The following GRM7 variants were observed in gnomAD, a reference collection of about 807,000 sequenced individuals.
The protein encoded by GRM7 is metabotropic glutamate receptor 7.
Under a neutral mutation model 84.5 loss-of-function variants are expected in GRM7, and 35 were observed. That is an observed-to-expected ratio of 0.41 (90% CI 0.32 to 0.55). The LOEUF (loss-of-function observed/expected upper bound fraction) is 0.55. Among genes scored for constraint, GRM7 ranks in the 20% least tolerant of loss-of-function variants. The pLI, the probability that GRM7 is intolerant of heterozygous loss-of-function variation, is 0.19. For missense variants in GRM7, 1,003 were observed against 1,194.6 expected, an observed-to-expected ratio of 0.84 and a Z score of 2.36; for synonymous variants, 487 against 455.1, an observed-to-expected ratio of 1.07 and a Z score of -0.89.
At chr3:7,529,854 CTGTTGT>C (rs536908211) in intron 7 of GRM7, among the ~76,000 whole-genome samples, 12 of 150,720 alleles carry the variant, frequency 8.0e-5, no homozygotes, top group African/African-American at 2.4e-4. Context: ...AACAAATAAG[CTGTTGT>C]TGTTGTTGTT....
intron 1 of GRM7, among the ~76,000 whole-genome samples, chr3:7,047,067 A>G (rs553441591): frequency 2.0e-4 from 30 of 152,156 alleles, no homozygotes; most frequent in African/African-American, 6.7e-4. Context: ...CTATAGTCAT[A>G]GTTGCAATAG....
At chr3:7,025,236 G>A (rs1206249719) in intron 1 of GRM7, among the ~76,000 whole-genome samples, 1 of 152,140 alleles carries the variant, frequency 6.6e-6, no homozygotes, top group East Asian at 1.9e-4. Context: ...GAGCTAAGTA[G>A]CAATCTTAAC....
chr3:6,867,428 A>G (rs999439882), intron 1 of GRM7, among the ~76,000 whole-genome samples: 2 of 152,146 alleles, frequency 1.3e-5, no homozygotes, highest in Admixed American at 6.5e-5. Context: ...GAAGACAGAC[A>G]CTTCTGATGT....
chr3:7,541,290 T>TA (rs1692871736), intron 7 of GRM7, among the ~76,000 whole-genome samples: 1 of 152,170 alleles, frequency 6.6e-6, no homozygotes, highest in African/African-American at 2.4e-5. Context: ...AACTTTTTTT[T>TA]AAGTAAGAAG....
At chr3:7,014,919 C>A (rs1489714543) in intron 1 of GRM7, among the ~76,000 whole-genome samples, 1 of 152,092 alleles carries the variant, frequency 6.6e-6, no homozygotes, top group Non-Finnish European at 1.5e-5. Context: ...GATTGTAAAA[C>A]GCACTGATCA....
intron 1 of GRM7, among the ~76,000 whole-genome samples, chr3:7,075,494 A>C (rs1302288034): frequency 9.1e-6 from 1 of 110,434 alleles, no homozygotes; most frequent in African/African-American, 3.9e-5. Context: ...CTTGCTTCTC[A>C]GATGTGTGTG....
Position 6,862,736 on chromosome 3 carries a change from C to G in GRM7, c.519+829C>G, listed in dbSNP as rs1003699229. 3.1e-5 allele frequency: 9 copies of G among 287,286 alleles called. No individual in the cohort carries two copies. Among genetic ancestry groups the G allele is most frequent in the Non-Finnish European group, 4.9e-5 (7 of 144,234 alleles). The allele number at this position is 287,286 out of a possible 1,614,324, so 17.8% of individuals were successfully genotyped here. On this transcript the variant is annotated intron_variant, in intron 1 of 9. Transcript: ENST00000357716. This position sits in a 1 kb window ranked among gnomAD's most constrained non-coding sequence, Gnocchi z 5.2. The stretch of plus-strand genomic sequence containing the variant: ...CTCCTCCCTCCTCCCCCCCGCCCCC[C>G]TCACCCACTATCTCCCTGACGCAGA...
chr3:7,104,926 A>G (rs1699243008), intron 1 of GRM7, among the ~76,000 whole-genome samples: 1 of 151,838 alleles, frequency 6.6e-6, no homozygotes, highest in African/African-American at 2.4e-5. Flanking sequence ...TACAAAATAT[A>G]TAGATTAATA....
intron 1 of GRM7, among the ~76,000 whole-genome samples, chr3:6,894,957 C>T (rs147180501): frequency 1.9e-3 from 289 of 152,282 alleles, no homozygotes; most frequent in Non-Finnish European, 3.3e-3. Flanking sequence ...TTTGTTGGGA[C>T]ATTGCTTTGA....
rs1314230029 is a variant in GRM7, at chr3:6,928,685, A to G, written c.519+66778A>G. On this transcript the variant is annotated intron_variant, in intron 1 of 9. Coordinates refer to ENST00000357716, the MANE Select transcript of GRM7 (RefSeq NM_000844.4). This position sits in a 1 kb window ranked among gnomAD's most constrained non-coding sequence, Gnocchi z 4.5. ...CAATAGAAGCTTAGTTAAGCAGGTG[A>G]TAATCTTCTCTTGGCCTCCAATTTA... Among the ~76,000 whole-genome samples the G allele has an allele frequency of 6.6e-6, 1 of 152,208 alleles. No individual in the cohort carries two copies. Among genetic ancestry groups the G allele is most frequent in the Non-Finnish European group, 1.5e-5 (1 of 68,038 alleles).
At chr3:7,595,270 G>A (rs1329961183) in intron 8 of GRM7, among the ~76,000 whole-genome samples, 1 of 152,192 alleles carries the variant, frequency 6.6e-6, no homozygotes, top group African/African-American at 2.4e-5. Flanking sequence ...ACTGGAGGGA[G>A]CAGGGCTACT....
chr3:7,711,324 T>C (rs1012174991), intron 9 of GRM7, among the ~76,000 whole-genome samples: 4 of 152,044 alleles, frequency 2.6e-5, no homozygotes, highest in South Asian at 2.1e-4. Context: ...TTTCAGGCAG[T>C]GAAGATATGA....
intron 7 of GRM7, among the ~76,000 whole-genome samples, chr3:7,548,526 A>G (rs1333080922): frequency 6.6e-6 from 1 of 152,246 alleles, no homozygotes; most frequent in Non-Finnish European, 1.5e-5. Flanking sequence ...AATATTTGTG[A>G]GGGAAAATCC....
intron 9 of GRM7, among the ~76,000 whole-genome samples, chr3:7,690,828 T>TA (rs1268375383): frequency 6.6e-6 from 1 of 152,204 alleles, no homozygotes; most frequent in East Asian, 1.9e-4. Context: ...TGCATTTCCT[T>TA]AGAGACTGTC....
At chr3:7,266,023 G>A (rs1698623474) in intron 2 of GRM7, among the ~76,000 whole-genome samples, 1 of 152,164 alleles carries the variant, frequency 6.6e-6, no homozygotes, top group Non-Finnish European at 1.5e-5. Context: ...TTTCAGGGGA[G>A]ATGTATGAGC....
At chr3:7,069,593 T>C (rs1481230662) in intron 1 of GRM7, among the ~76,000 whole-genome samples, 1 of 152,086 alleles carries the variant, frequency 6.6e-6, no homozygotes, top group Non-Finnish European at 1.5e-5. Context: ...TAGTTTTTCT[T>C]CCAGTGGCCT....
chr3:7,480,188 G>A (rs1699075206), intron 7 of GRM7, among the ~76,000 whole-genome samples: 2 of 152,146 alleles, frequency 1.3e-5, no homozygotes, highest in Non-Finnish European at 2.9e-5. Context: ...ATCTACCTAG[G>A]TGGCAAAGAT....
At chr3:7,518,860 T>G (rs1700488171) in intron 7 of GRM7, among the ~76,000 whole-genome samples, 1 of 152,366 alleles carries the variant, frequency 6.6e-6, no homozygotes, top group South Asian at 2.1e-4. Flanking sequence ...ATGTTAAGAT[T>G]TAGCTGGCTG....
chr3:7,433,019 C>T (rs1321080640), intron 5 of GRM7, among the ~76,000 whole-genome samples: 1 of 151,982 alleles, frequency 6.6e-6, no homozygotes, highest in Admixed American at 6.6e-5. Context: ...TCAAGGAAAG[C>T]CAGACTATGC....
Sources: gnomAD v4.1 joint callset for allele counts (sites outside exome capture counted in the v4.1 genomes callset) on GRCh38, gnomAD v4.1.1 for gene constraint, Gnocchi (gnomAD v3.1) non-coding constraint, MANE v1.5 for transcripts, NCBI Gene and HGNC (gene_info 2026-07-23, HGNC 2026-07-21) for gene names.